The following CACNA2D1 variants were observed in gnomAD, a reference collection of about 807,000 sequenced individuals.
The protein encoded by CACNA2D1 is calcium voltage-gated channel auxiliary subunit alpha2delta 1, also known as voltage-dependent calcium channel subunit alpha-2/delta-1.
CACNA2D1 carries 53 observed loss-of-function variants against 171.5 expected under a neutral mutation model. The ratio of observed to expected loss-of-function variants is 0.31; its 90% confidence interval spans 0.25 to 0.39. The LOEUF is 0.39. Among genes scored for constraint, CACNA2D1 ranks in the 10% least tolerant of loss-of-function variants. The pLI, the probability that CACNA2D1 is intolerant of heterozygous loss-of-function variation, is 1.00. For missense variants in CACNA2D1, 903 were observed against 1,299.8 expected, an observed-to-expected ratio of 0.69 and a Z score of 4.69; for synonymous variants, 442 against 443.1, an observed-to-expected ratio of 1.00 and a Z score of 0.03.
chr7:82,087,560 TAAAA>T (rs34472151), intron 6 of CACNA2D1, among the ~76,000 whole-genome samples: 9 of 144,748 alleles, frequency 6.2e-5, no homozygotes, highest in African/African-American at 7.6e-5. Flanking sequence ...TGAAAGCAGC[TAAAA>T]AAAAAAAAAA....
intron 3 of CACNA2D1, among the ~76,000 whole-genome samples, chr7:82,304,036 G>A (rs2129428086): frequency 6.6e-6 from 1 of 152,062 alleles, no homozygotes; most frequent in African/African-American, 2.4e-5. Context: ...CAGAGGACAT[G>A]AATAGACATT....
intron 6 of CACNA2D1, among the ~76,000 whole-genome samples, chr7:82,113,952 G>T (rs1371970414): frequency 1.3e-5 from 2 of 152,110 alleles, no homozygotes; most frequent in African/African-American, 4.8e-5. Flanking sequence ...ATAATCCAAA[G>T]ACAGAGCTTC....
intron 2 of CACNA2D1, among the ~76,000 whole-genome samples, chr7:82,344,902 T>G (rs1819072935): frequency 1.3e-5 from 2 of 152,166 alleles, no homozygotes; most frequent in Non-Finnish European, 2.9e-5. Context: ...CATAACTTCT[T>G]TAAAATTTTA....
At chr7:82,167,704 C>A (rs1318232508) in intron 4 of CACNA2D1, among the ~76,000 whole-genome samples, 1 of 152,046 alleles carries the variant, frequency 6.6e-6, no homozygotes, top group Non-Finnish European at 1.5e-5. Context: ...CACGGTCCTT[C>A]AGGAAGGATG....
chr7:82,303,776 TA>T (rs1265950107), intron 3 of CACNA2D1, among the ~76,000 whole-genome samples: 2 of 151,978 alleles, frequency 1.3e-5, no homozygotes, highest in African/African-American at 4.8e-5. Context: ...CAAGAGAAGA[TA>T]GGGGAGACAC....
At chr7:82,001,969 G>A (rs1798647284) in intron 18 of CACNA2D1, among the ~76,000 whole-genome samples, 1 of 140,644 alleles carries the variant, frequency 7.1e-6, no homozygotes. Context: ...GTACGTATTT[G>A]GGAAGTGGGA....
chr7:82,285,332 A>G (rs1810623688), intron 3 of CACNA2D1, among the ~76,000 whole-genome samples: 1 of 152,046 alleles, frequency 6.6e-6, no homozygotes, highest in Non-Finnish European at 1.5e-5. Context: ...AAATCCTTTG[A>G]ACCCCCTACA....
At chr7:82,426,405 A>G (rs948652846) in intron 1 of CACNA2D1, among the ~76,000 whole-genome samples, 1 of 152,136 alleles carries the variant, frequency 6.6e-6, no homozygotes, top group African/African-American at 2.4e-5. Context: ...CCCCTCTTCT[A>G]TACTTTAAAA....
rs565876594 is a variant in CACNA2D1 at position 82,377,720 on chromosome 7, G to A, written c.96-28071C>T. On this transcript the variant is annotated intron_variant, in intron 1 of 38. Transcript: ENST00000356860. ...CCTTGCCACATGATCATAAGGCCTC[G>A]ACTGAAACGTTCCCAATCTCTTTCT... is the stretch of plus-strand genomic sequence containing the variant. Among the ~76,000 whole-genome samples the A allele has an allele frequency of 9.9e-5, 15 of 152,216 alleles. No homozygotes were observed. In the South Asian group the frequency reaches 2.7e-3, roughly 27 times the overall value.
At chr7:82,407,466 C>T (rs144342739) in intron 1 of CACNA2D1, among the ~76,000 whole-genome samples, 48 of 152,120 alleles carry the variant, frequency 3.2e-4, no homozygotes, top group African/African-American at 1.1e-3. Flanking sequence ...ATGGTCTGCA[C>T]ATTGGTCACA....
chr7:82,023,078 C>T (rs113214843), intron 12 of CACNA2D1, among the ~76,000 whole-genome samples: 4 of 151,710 alleles, frequency 2.6e-5, no homozygotes, highest in African/African-American at 9.7e-5. Flanking sequence ...ATTTTGCTAG[C>T]CCTGGAAATT....
At chr7:82,248,372 A>G (rs3801707) in intron 3 of CACNA2D1, among the ~76,000 whole-genome samples, 63,019 of 151,970 alleles carry the variant, frequency 0.41, 13,587 homozygotes, top group African/African-American at 0.54. Flanking sequence ...AAGAGAGGAC[A>G]GCTCTTTAAC....
At chr7:82,232,452 C>T (rs567137745) in intron 3 of CACNA2D1, among the ~76,000 whole-genome samples, 1 of 152,250 alleles carries the variant, frequency 6.6e-6, no homozygotes, top group Admixed American at 6.5e-5. Flanking sequence ...AAAAGCTAAA[C>T]TTAGTTGAAA....
At chr7:82,056,009 T>TAAAAAAAAAAAAAA (rs61512655) in intron 10 of CACNA2D1, among the ~76,000 whole-genome samples, 3 of 42,192 alleles carry the variant, frequency 7.1e-5, no homozygotes, top group African/African-American at 9.6e-5. Flanking sequence ...ACTCAAAAGT[T>TAAAAAAAAAAAAAA]AAAAAAAAAA....
intron 3 of CACNA2D1, among the ~76,000 whole-genome samples, chr7:82,241,559 T>A (rs1353943788): frequency 6.6e-6 from 1 of 151,870 alleles, no homozygotes; most frequent in Non-Finnish European, 1.5e-5. Flanking sequence ...ACAAAAGGAG[T>A]CCCAAGAGAT....
chr7:82,296,278 CAT>C (rs1469061148), intron 3 of CACNA2D1, among the ~76,000 whole-genome samples: 6 of 147,988 alleles, frequency 4.1e-5, no homozygotes, highest in Admixed American at 1.3e-4. Context: ...AAAAAAAAAA[CAT>C]GTAGATTCTG....
chr7:82,162,668 A>T (rs981150480), intron 4 of CACNA2D1, among the ~76,000 whole-genome samples: 7 of 151,986 alleles, frequency 4.6e-5, no homozygotes, highest in Non-Finnish European at 8.8e-5. Flanking sequence ...GATCTCTCAA[A>T]AGCATCTTCT....
intron 1 of CACNA2D1, among the ~76,000 whole-genome samples, chr7:82,412,231 G>T (rs1029958912): frequency 1.3e-5 from 2 of 151,300 alleles, no homozygotes; most frequent in African/African-American, 4.9e-5. Context: ...ACTGTTCAGG[G>T]CTTCACTTAC....
intron 10 of CACNA2D1, among the ~76,000 whole-genome samples, chr7:82,040,616 T>C (rs1472120524): frequency 6.6e-6 from 1 of 152,056 alleles, no homozygotes. Flanking sequence ...TGGACTGTTT[T>C]GGATGAGAGA....
Sources: gnomAD v4.1 joint callset for allele counts (sites outside exome capture counted in the v4.1 genomes callset) on GRCh38, gnomAD v4.1.1 for gene constraint, MANE v1.5 for transcripts, NCBI Gene and HGNC (gene_info 2026-07-23, HGNC 2026-07-21) for gene names.